CELF4: variants seen among roughly 807,000 people sequenced by gnomAD.
The protein encoded by CELF4 is CUGBP Elav-like family member 4, also known as CUG-BP- and ETR-3-like factor 4.
In CELF4, 18 loss-of-function variants were observed where a neutral mutation model predicts 59.9. The ratio of observed to expected loss-of-function variants is 0.30; its 90% CI spans 0.21 to 0.45. The LOEUF is 0.45. CELF4 is among the 20% of genes least tolerant of loss of function. CELF4 has a pLI of 1.00. For missense variants in CELF4, 456 were observed against 689.0 expected, an observed-to-expected ratio of 0.66 and a Z score of 3.79; for synonymous variants, 261 against 267.1, an observed-to-expected ratio of 0.98 and a Z score of 0.22.
At chr18:37,493,506 G>A (rs2099913347) in intron 1 of CELF4, among the ~76,000 whole-genome samples, 1 of 152,216 alleles carries the variant, frequency 6.6e-6, no homozygotes, top group African/African-American at 2.4e-5. Flanking sequence ...CTCTGGCTGG[G>A]TGAGAGTGAG....
intron 2 of CELF4, among the ~76,000 whole-genome samples, chr18:37,460,972 G>A (rs536176646): frequency 2.0e-4 from 30 of 152,362 alleles, no homozygotes; most frequent in African/African-American, 7.2e-4. Context: ...CAGCATCAAA[G>A]ACAAGGAATG....
intron 2 of CELF4, among the ~76,000 whole-genome samples, chr18:37,339,066 G>A (rs2097893554): frequency 6.6e-6 from 1 of 152,210 alleles, no homozygotes; most frequent in Admixed American, 6.5e-5. Context: ...GGCTGTGTGG[G>A]CACAGGAGGC....
At chr18:37,527,783 C>A (rs2099965568) in intron 1 of CELF4, among the ~76,000 whole-genome samples, 1 of 152,192 alleles carries the variant, frequency 6.6e-6, no homozygotes, top group Non-Finnish European at 1.5e-5. Flanking sequence ...GCTTTACCTC[C>A]TCCAATGACA....
intron 2 of CELF4, among the ~76,000 whole-genome samples, chr18:37,389,101 G>A (rs1468538008): frequency 6.6e-6 from 1 of 152,170 alleles, no homozygotes; most frequent in Non-Finnish European, 1.5e-5. Flanking sequence ...GAAACACAGA[G>A]GAAATGAGGG....
chr18:37,510,589 G>T (rs1193223218), intron 1 of CELF4, among the ~76,000 whole-genome samples: 2 of 152,228 alleles, frequency 1.3e-5, no homozygotes, highest in Non-Finnish European at 2.9e-5. Context: ...CTTACAGAAT[G>T]AAACTCGACT....
chr18:37,260,391 T>C (rs887914729), intron 10 of CELF4, among the ~76,000 whole-genome samples: 3 of 152,228 alleles, frequency 2.0e-5, no homozygotes, highest in Non-Finnish European at 4.4e-5. Flanking sequence ...CCACATATAA[T>C]TTCATCTTTT....
rs1330247882 is a variant in CELF4 at position 37,400,592 on chromosome 18, G to A, written c.370-78711C>T. ...TCCGTTGGTCTTCAAACCATATATT[G>A]GAGCACTTAAAATACATTCTCTTCT... is the stretch of plus-strand genomic sequence containing the variant. On this transcript the variant is annotated intron_variant, in intron 2 of 12. Transcript: ENST00000420428. 2.0e-5 allele frequency among the ~76,000 whole-genome samples: 3 copies of A among 152,266 alleles called. No individual in the cohort carries two copies. The East Asian group carries it at 5.8e-4, about 29-fold the overall frequency.
At chr18:37,521,070 GTA>G (rs2099956813) in intron 1 of CELF4, among the ~76,000 whole-genome samples, 1 of 138,314 alleles carries the variant, frequency 7.2e-6, no homozygotes, top group African/African-American at 2.6e-5. Context: ...AGAGGGGAGG[GTA>G]TCGGGGGTTG....
intron 2 of CELF4, among the ~76,000 whole-genome samples, chr18:37,383,002 T>TTATGTATGTAATAGTACATACATGTATG (rs2099058014): frequency 6.8e-6 from 1 of 147,310 alleles, no homozygotes; most frequent in Non-Finnish European, 1.5e-5. Context: ...CATAACAATA[T>TTATGTATGTAATAGTACATACATGTATG]TATGTATGTA....
At chr18:37,346,610 G>A (rs2098269337) in intron 2 of CELF4, among the ~76,000 whole-genome samples, 1 of 152,204 alleles carries the variant, frequency 6.6e-6, no homozygotes, top group South Asian at 2.1e-4. Flanking sequence ...CTGGAACCAG[G>A]GCAGAGAAGA....
rs1412303100 is a variant in CELF4 at position 37,303,245 on chromosome 18, C to T, written c.448+18558G>A. 3.9e-5 allele frequency among the ~76,000 whole-genome samples: 6 copies of T among 152,204 alleles called. No individual in the cohort carries two copies. The East Asian group carries it at 9.7e-4, about 25-fold the overall frequency. ...GGCATTGAGGGCTAAGGGGATTTGG[C>T]TCTGTTCCCTCCTCCCACCTACCCA... On this transcript the variant is annotated intron_variant, in intron 3 of 12. Transcript: ENST00000420428.
At chr18:37,525,697 CAA>C (rs1569569753) in intron 1 of CELF4, among the ~76,000 whole-genome samples, 1 of 151,670 alleles carries the variant, frequency 6.6e-6, no homozygotes, top group African/African-American at 2.4e-5. Context: ...ACTTCCATGA[CAA>C]GAGAATGGGA....
At chr18:37,550,794 TG>T (rs2099982955) in intron 1 of CELF4, among the ~76,000 whole-genome samples, 1 of 152,264 alleles carries the variant, frequency 6.6e-6, no homozygotes, top group African/African-American at 2.4e-5. Context: ...CCCTCTGGCC[TG>T]GCCTGTGCCA....
At chr18:37,412,496 AGATGGATG>A (rs907169686) in intron 2 of CELF4, among the ~76,000 whole-genome samples, 21 of 151,824 alleles carry the variant, frequency 1.4e-4, no homozygotes, top group African/African-American at 5.1e-4. Flanking sequence ...ATGGGTGGAT[AGATGGATG>A]GATGGATGGA....
chr18:37,317,639 T>C (rs555403197), intron 3 of CELF4, among the ~76,000 whole-genome samples: 47 of 152,224 alleles, frequency 3.1e-4, no homozygotes, highest in African/African-American at 1.1e-3. Flanking sequence ...CAGCTCCACT[T>C]CCCTCTGTAC....
chr18:37,246,809 T>C lies in CELF4; in HGVS notation c.*45-1612A>G, dbSNP rs1220728121. ...TGGTTTGCACAGGTAAATGATCCCATGTTTGATAATTCAGGAATTCATCTT... is the reference window on the plus strand; with the variant it reads ...TGGTTTGCACAGGTAAATGATCCCACGTTTGATAATTCAGGAATTCATCTT... On this transcript the variant is annotated intron_variant, in intron 12 of 12. Coordinates refer to ENST00000420428, the MANE Select transcript of CELF4 (RefSeq NM_020180.4). The surrounding 1 kb of genome is among the most constrained non-coding windows in gnomAD (Gnocchi z 5.3). The C allele has an allele frequency of 6.6e-6, 1 of 152,232 alleles. No homozygotes were observed. The highest frequency in any genetic ancestry group is 1.9e-4 in the East Asian group (1 of 5,204). The allele number at this position is 152,232 out of a possible 1,614,324, so 9.4% of individuals were successfully genotyped here. A position where few individuals can be genotyped will look rare whatever the true frequency, so the allele number is the denominator to read the frequency against.
chr18:37,356,748 G>A (rs75966857), intron 2 of CELF4, among the ~76,000 whole-genome samples: 2,300 of 152,276 alleles, frequency 0.015, 23 homozygotes, highest in Middle Eastern at 0.031. Context: ...GGCATGCAGC[G>A]AGCTTCAGTA....
intron 2 of CELF4, among the ~76,000 whole-genome samples, chr18:37,433,876 A>T (rs2099679644): frequency 6.6e-6 from 1 of 152,242 alleles, no homozygotes; most frequent in African/African-American, 2.4e-5. Flanking sequence ...CCAGTCTTTG[A>T]GACTGGCTAG....
intron 2 of CELF4, among the ~76,000 whole-genome samples, chr18:37,387,901 A>G (rs2099116426): frequency 6.6e-6 from 1 of 152,154 alleles, no homozygotes. Flanking sequence ...GTAGGGCCTC[A>G]TCTCACCTGG....
Sources: gnomAD v4.1 joint callset for allele counts (sites outside exome capture counted in the v4.1 genomes callset) on GRCh38, gnomAD v4.1.1 for gene constraint, Gnocchi (gnomAD v3.1) non-coding constraint, MANE v1.5 for transcripts, NCBI Gene and HGNC (gene_info 2026-07-23, HGNC 2026-07-21) for gene names.